The following CUX2 variants were observed in gnomAD, a reference collection of about 807,000 sequenced individuals.
CUX2 encodes the protein homeobox protein cut-like 2.
In CUX2, 40 loss-of-function variants were observed where a neutral mutation model predicts 144.8. That is an observed-to-expected ratio of 0.28 (90% CI 0.21 to 0.36). The LOEUF is 0.36. Among genes scored for constraint, CUX2 ranks in the 10% least tolerant of loss-of-function variants. CUX2 has a pLI of 1.00. For synonymous variants in CUX2, 827 were observed against 875.6 expected, an observed-to-expected ratio of 0.94 and a Z score of 0.98; for missense variants, 1,615 against 1,994.0, an observed-to-expected ratio of 0.81 and a Z score of 3.62.
intron 1 of CUX2, among the ~76,000 whole-genome samples, chr12:111,209,628 T>A (rs1474785815): frequency 6.6e-6 from 1 of 152,146 alleles, no homozygotes; most frequent in African/African-American, 2.4e-5. Context: ...TCTGAGTGCC[T>A]TGGAGGACTA....
chr12:111,284,814 G>A (rs892161744), intron 4 of CUX2, among the ~76,000 whole-genome samples: 1 of 152,060 alleles, frequency 6.6e-6, no homozygotes, highest in African/African-American at 2.4e-5. Context: ...TGGTCTCTTC[G>A]CCAACCTCTC....
chr12:111,316,388 C>T (rs927247122), intron 16 of CUX2, among the ~76,000 whole-genome samples: 31 of 149,596 alleles, frequency 2.1e-4, no homozygotes, highest in Admixed American at 8.7e-4. Flanking sequence ...TCAGATGATC[C>T]GCCTGCCTCA....
intron 1 of CUX2, among the ~76,000 whole-genome samples, chr12:111,152,688 T>C (rs4766542): frequency 0.29 from 44,432 of 152,178 alleles, 9,043 homozygotes; most frequent in African/African-American, 0.56. Flanking sequence ...CATTTGCTCT[T>C]GGGGCCTGAA....
At chr12:111,339,350 T>C (rs891022959) in intron 20 of CUX2, among the ~76,000 whole-genome samples, 3 of 152,174 alleles carry the variant, frequency 2.0e-5, no homozygotes, top group African/African-American at 7.2e-5. Context: ...CAAAACTCTG[T>C]GTACCTCCCT....
intron 1 of CUX2, among the ~76,000 whole-genome samples, chr12:111,202,424 T>C (rs1011943977): frequency 5.3e-5 from 8 of 152,178 alleles, no homozygotes; most frequent in Admixed American, 1.3e-4. Context: ...AGGCGTTTGA[T>C]TGGCATCCTC....
intron 2 of CUX2, among the ~76,000 whole-genome samples, chr12:111,215,463 A>C (rs968426384): frequency 6.6e-5 from 10 of 152,198 alleles, no homozygotes; most frequent in African/African-American, 2.4e-4. Context: ...ACTAGGATCT[A>C]GCTAGAATTT....
intron 1 of CUX2, among the ~76,000 whole-genome samples, chr12:111,188,368 TGCCATCAGCATTGG>T (rs1879680957): frequency 6.6e-6 from 1 of 152,156 alleles, no homozygotes; most frequent in South Asian, 2.1e-4. Context: ...ACACGGACCC[TGCCATCAGCATTGG>T]GCAGGAGAGA....
intron 1 of CUX2, among the ~76,000 whole-genome samples, chr12:111,159,448 C>T: frequency 6.6e-6 from 1 of 152,110 alleles, no homozygotes; most frequent in East Asian, 1.9e-4. Context: ...CTGAGCCCAG[C>T]CACCTGCAAG....
chr12:111,060,305 G>A (rs1045629983), intron 1 of CUX2, among the ~76,000 whole-genome samples: 1 of 152,084 alleles, frequency 6.6e-6, no homozygotes, highest in Non-Finnish European at 1.5e-5. Context: ...AATGCCTTAC[G>A]CTGTCTTACA....
At position 111,123,339 on chromosome 12, in the gene CUX2, C is replaced by A. The variant is rs569217691; in HGVS notation, c.63+89099C>A. The stretch of plus-strand genomic sequence containing the variant: ...CTGGGATTACAGGTGCACACCACCA[C>A]GCCCAGCTAATTTTTTGTATTTTTA... On this transcript the variant is annotated intron_variant, in intron 1 of 21. Coordinates refer to ENST00000261726, the MANE Select transcript of CUX2 (RefSeq NM_015267.4). 5.9e-5 allele frequency among the ~76,000 whole-genome samples: 9 copies of A among 152,280 alleles called. No homozygotes were observed. The South Asian group carries it at 1.9e-3, about 32-fold the overall frequency.
intron 1 of CUX2, among the ~76,000 whole-genome samples, chr12:111,203,513 G>A (rs1417290570): frequency 6.7e-6 from 1 of 150,052 alleles, no homozygotes; most frequent in Non-Finnish European, 1.5e-5. Context: ...CCACTGTACT[G>A]CAGCCTGGGT....
chr12:111,138,541 C>T (rs1176234594), intron 1 of CUX2, among the ~76,000 whole-genome samples: 1 of 152,096 alleles, frequency 6.6e-6, no homozygotes, highest in Admixed American at 6.5e-5. Context: ...TGGCAGCCCC[C>T]AGGGTTCCCT....
chr12:111,272,438 T>C (rs912883792), intron 4 of CUX2, among the ~76,000 whole-genome samples: 1 of 152,198 alleles, frequency 6.6e-6, no homozygotes, highest in African/African-American at 2.4e-5. Flanking sequence ...ATGTCAATTT[T>C]CCTGAAGATG....
In CUX2 at chr12:111,269,571, A is replaced by G. The variant is rs141936306; in HGVS notation, c.301+5732A>G. ...CCTGTCATCACAGTCACAGGGGGAC[A>G]CCAGCATGTCTAGTGCTTGGGGGTA... On this transcript the variant is annotated intron_variant, in intron 4 of 21. Coordinates refer to ENST00000261726, the MANE Select transcript of CUX2 (RefSeq NM_015267.4). Among the ~76,000 whole-genome samples, 852 of 152,298 alleles carry G rather than the reference A, an allele frequency of 5.6e-3. 11 individuals carry two copies. Among genetic ancestry groups the G allele is most frequent in the African/African-American group, 0.019 (787 of 41,562 alleles).
chr12:111,191,379 T>C (rs1180513567), intron 1 of CUX2, among the ~76,000 whole-genome samples: 3 of 152,150 alleles, frequency 2.0e-5, no homozygotes, highest in Admixed American at 6.5e-5. Context: ...TCACCCAGGC[T>C]AGAGTGCAGT....
chr12:111,328,375 C>T (rs766338283), intron 18 of CUX2, among the ~76,000 whole-genome samples: 4 of 152,176 alleles, frequency 2.6e-5, no homozygotes, highest in African/African-American at 7.2e-5. Flanking sequence ...TTATAAAGCA[C>T]GCCCTTATCC....
intron 4 of CUX2, among the ~76,000 whole-genome samples, chr12:111,285,041 C>G (rs1352657431): frequency 6.6e-6 from 1 of 152,192 alleles, no homozygotes; most frequent in African/African-American, 2.4e-5. Flanking sequence ...TCCGGGAAAG[C>G]CCAGGGTACA....
chr12:111,156,939 T>C (rs937813953), intron 1 of CUX2, among the ~76,000 whole-genome samples: 1 of 135,182 alleles, frequency 7.4e-6, no homozygotes, highest in African/African-American at 2.9e-5. Context: ...TGAGCCAAGA[T>C]TGTGCCACTG....
At chr12:111,338,254 G>A in intron 19 of CUX2, 32 bp from the exon 20 acceptor site, 1 of 1,571,020 alleles carries the variant, frequency 6.4e-7, no homozygotes, top group Non-Finnish European at 8.6e-7. Context: ...CCCAGCCTCG[G>A]GTAACAGATT....
Sources: allele counts gnomAD v4.1 joint callset (sites outside exome capture counted in the v4.1 genomes callset), GRCh38; gene constraint gnomAD v4.1.1; transcripts MANE v1.5; gene names NCBI Gene and HGNC (gene_info 2026-07-23, HGNC 2026-07-21).